Variants in GGA2 observed in about 807,000 individuals in gnomAD.
GGA2 encodes ADP-ribosylation factor-binding protein GGA2.
A neutral mutation model predicts 79.5 loss-of-function variants in GGA2; 48 were observed. That is an observed-to-expected ratio of 0.60 (90% CI 0.48 to 0.77). The LOEUF (loss-of-function observed/expected upper bound fraction) is 0.77, where lower values mean the gene tolerates loss of function less well. GGA2 is among the 30% of genes least tolerant of loss of function. The probability of loss-of-function intolerance (pLI) is 0.00; values close to 1 mark genes in which losing one functional copy is unlikely to be tolerated. For synonymous variants in GGA2, 317 were observed against 302.0 expected (o/e 1.05, Z -0.51); for missense variants, 770 against 774.0 (o/e 0.99, Z 0.06).
chr16:23,499,869 TG>T (rs551379295), intron 1 of GGA2, among the ~76,000 whole-genome samples: 1 of 151,980 alleles, frequency 6.6e-6, no homozygotes, highest in Non-Finnish European at 1.5e-5. Context: ...AAGGTAGGGG[TG>T]GGGCCGCTGG....
At chr16:23,516,651 C>A (rs1287739297) in intron 2 of GGA2, among the ~76,000 whole-genome samples, 1 of 152,116 alleles carries the variant, frequency 6.6e-6, no homozygotes, top group Non-Finnish European at 1.5e-5. Context: ...CAACTCCTTG[C>A]CTTCATTAAT....
At position 23,482,990 on chromosome 16, in the gene GGA2, C is replaced by G. The variant is rs1170534380; in HGVS notation, c.813G>C (p.Arg271Ser). 6.2e-7 allele frequency: 1 copy of G among 1,610,802 alleles called. No individual in the cohort carries two copies. Among genetic ancestry groups the G allele is most frequent in the East Asian group, 2.2e-5 (1 of 44,860 alleles). The stretch of plus-strand genomic sequence containing the variant: ...ACAGCGTGGGCCGCAGCTTTTCACA[C>G]CTCTCATACACGACCTGAAAGAGCA... Reference protein sequence around the residue: ...DQEALQVVYERCEKLRPTLFR... With the variant: ...DQEALQVVYESCEKLRPTLFR... The change falls in exon 9 of 17, where the codon AGG becomes AGC. Residue 271 changes from arginine to serine, a missense_variant. By Grantham distance (110) the Arg-to-Ser change is moderately radical. Transcript: ENST00000309859.
At chr16:23,468,108 T>C (rs1356615844) in intron 16 of GGA2, among the ~76,000 whole-genome samples, 1 of 149,210 alleles carries the variant, frequency 6.7e-6, no homozygotes, top group African/African-American at 2.6e-5. Flanking sequence ...GACTTTCTTT[T>C]CTTTTTCTCT....
chr16:23,489,910 G>C (rs1444503959), intron 5 of GGA2, among the ~76,000 whole-genome samples: 1 of 151,948 alleles, frequency 6.6e-6, no homozygotes. Context: ...TACCCTTGGA[G>C]GAGGAGCAGG....
intron 1 of GGA2, among the ~76,000 whole-genome samples, chr16:23,503,856 C>A (rs539209787): frequency 6.6e-6 from 1 of 152,092 alleles, no homozygotes; most frequent in Non-Finnish European, 1.5e-5. Flanking sequence ...CCAAGGTGGG[C>A]GGATCACCTG....
upstream of GGA2, chr16:23,524,343 G>C (rs150304027): frequency 5.0e-5 from 80 of 1,591,366 alleles, no homozygotes; most frequent in Non-Finnish European, 6.5e-5. Flanking sequence ...TTCTTAGGGC[G>C]ATCTCCACTG....
chr16:23,511,597 C>G (rs1462009256), upstream of GGA2, among the ~76,000 whole-genome samples: 1 of 151,712 alleles, frequency 6.6e-6, no homozygotes, highest in Non-Finnish European at 1.5e-5. Flanking sequence ...TCCCTGGTTT[C>G]CTGGAACACT....
In GGA2 at chr16:23,482,942, A is replaced by T. The variant is rs138430424; in HGVS notation, c.861T>A (p.Thr287=). Residue 287 remains threonine, a synonymous_variant, in exon 9 of 17, where the codon ACT becomes ACA. Coordinates refer to ENST00000309859, the MANE Select transcript of GGA2 (RefSeq NM_015044.4). ...ACTTACCGAGTGCATCATCGTCATC[A>T]GTGGTGTCACTCGCCAACCGGAACA... The part of the protein sequence containing the change: ...PTLFRLASDT[T]DDDDALAEIL... 6.2e-7 allele frequency: 1 copy of T among 1,608,098 alleles called. No homozygotes were observed. The highest frequency in any genetic ancestry group is 8.5e-7 in the Non-Finnish European group (1 of 1,174,486).
At chr16:23,491,096 AGT>A (rs553393416) in intron 5 of GGA2, among the ~76,000 whole-genome samples, 1 of 151,776 alleles carries the variant, frequency 6.6e-6, no homozygotes, top group African/African-American at 2.4e-5. Context: ...AGAGGAAGAG[AGT>A]GTGTGTGTTT....
chr16:23,507,601 C>T (rs1964987566), intron 1 of GGA2, among the ~76,000 whole-genome samples: 1 of 151,476 alleles, frequency 6.6e-6, no homozygotes. Context: ...GTACTCCAGC[C>T]TGGACAAGAA....
intron 4 of GGA2, among the ~76,000 whole-genome samples, chr16:23,492,597 C>T (rs895446250): frequency 9.2e-5 from 14 of 152,248 alleles, no homozygotes; most frequent in Admixed American, 3.9e-4. Flanking sequence ...GCAGCTCTGT[C>T]CCCTCTTGCC....
At position 23,491,717 on chromosome 16, in the gene GGA2, G is replaced by A. The variant is rs1596988456; in HGVS notation, c.435C>T (p.Asp145=). The part of the protein sequence containing the change: ...LFSWTVWFPE[D]IKIRDAYQML... ...TCTGATAAGCGTCTCGAATCTTGAT[G>A]TCTTCCGGAAACCAGACTGTCCAAC... The change falls in exon 5 of 17, where the codon GAC becomes GAT. Residue 145 remains aspartate (D), a synonymous_variant. Coordinates refer to ENST00000309859, the MANE Select transcript of GGA2 (RefSeq NM_015044.4). The A allele has an allele frequency of 6.2e-7, 1 of 1,612,638 alleles. No individual in the cohort carries two copies. The highest frequency in any genetic ancestry group is 8.5e-7 in the Non-Finnish European group (1 of 1,178,662).
At position 23,465,625 on chromosome 16, in the gene GGA2, G is replaced by A. The variant is rs898729580; in HGVS notation, c.*1965C>T. The A allele has an allele frequency of 1.6e-5, 9 of 569,742 alleles. No individual in the cohort carries two copies. The highest frequency in any genetic ancestry group is 6.4e-5 in the South Asian group (3 of 47,236). 35.3% of individuals were successfully genotyped at this position (569,742 alleles called of 1,614,324 possible). On this transcript the variant is annotated 3_prime_UTR_variant, in exon 17 of 17. Transcript: ENST00000309859. Reference sequence around the variant, plus strand: ...ATGATGGGTACCTCTTCAAGACTACGCAACAGTAACAGAGCCTATAAAAGC... The same window carrying A: ...ATGATGGGTACCTCTTCAAGACTACACAACAGTAACAGAGCCTATAAAAGC...
chr16:23,477,355 T>C (rs1305597183), intron 13 of GGA2, among the ~76,000 whole-genome samples: 21 of 152,190 alleles, frequency 1.4e-4, no homozygotes, highest in Admixed American at 1.4e-3. Context: ...TTCCCCATAC[T>C]GTTCTCACGG....
rs2142119343 is a variant in GGA2, at chr16:23,478,373, G to C, written c.1287C>G (p.Cys429Trp). The part of the protein sequence containing the change: ...LDLLSAQPAP[C>W]PLNYVSQKSV... ...CCCTTGCCCAGAAGACTCACAGAGG[G>C]CACGGAGCTGGCTGTGCTGAGAGGA... The change falls in exon 13 of 17, where the codon TGC (cysteine) becomes TGG (tryptophan). Residue 429 changes from cysteine (C) to tryptophan (W), a missense_variant. Coordinates refer to ENST00000309859, the MANE Select transcript of GGA2 (RefSeq NM_015044.4). 6.3e-7 allele frequency: 1 copy of C among 1,591,326 alleles called. No individual in the cohort carries two copies. The highest frequency in any genetic ancestry group is 2.2e-5 in the East Asian group (1 of 44,636).
At position 23,465,595 on chromosome 16, in the gene GGA2, T is replaced by C. The variant is rs1036860129; in HGVS notation, c.*1995A>G. ...CAAAACCCTTCAGAGGGAGATGCTG[T>C]CATTATGATGGGTACCTCTTCAAGA... On this transcript the variant is annotated 3_prime_UTR_variant, in exon 17 of 17. Transcript: ENST00000309859. 1.7e-6 allele frequency: 1 copy of C among 602,962 alleles called. No individual in the cohort carries two copies. The allele number at this position is 602,962 out of a possible 1,614,324, so 37.4% of individuals were successfully genotyped here.
chr16:23,516,926 C>T (rs1014075346), intron 2 of GGA2, among the ~76,000 whole-genome samples: 1 of 152,110 alleles, frequency 6.6e-6, no homozygotes, highest in Non-Finnish European at 1.5e-5. Context: ...CTGCAGGCAG[C>T]CAACTGTGGC....
Position 23,494,353 on chromosome 16 carries a change from C to T in GGA2, c.202G>A (p.Ala68Thr), listed in dbSNP as rs1411420274. The T allele has an allele frequency of 6.2e-7, 1 of 1,612,988 alleles. No individual in the cohort carries two copies. The highest frequency in any genetic ancestry group is 1.1e-5 in the South Asian group (1 of 91,070). Residue 68 changes from alanine (A) to threonine (T), a missense_variant, in exon 3 of 17, where the codon GCC becomes ACC. Transcript: ENST00000309859. ...NGPTHAPWLL[A>T]HKIQSPQEKE... ...TCTTGCGGAGACTGGATCTTGTGGG[C>T]CAGTAGCCAGGGCGCATGTGTGGGG...
chr16:23,497,785 C>T (rs1964875048), intron 1 of GGA2, among the ~76,000 whole-genome samples: 1 of 152,202 alleles, frequency 6.6e-6, no homozygotes, highest in Admixed American at 6.5e-5. Context: ...TCCAGCTACA[C>T]CCATTAGTCA....
Sources: gnomAD v4.1 joint callset for allele counts (sites outside exome capture counted in the v4.1 genomes callset) on GRCh38, gnomAD v4.1.1 for gene constraint, MANE v1.5 for transcripts, NCBI Gene and HGNC (gene_info 2026-07-23, HGNC 2026-07-21) for gene names.